Variants in DTYMK observed in about 807,000 individuals in gnomAD.
DTYMK encodes thymidylate kinase.
DTYMK carries 20 observed loss-of-function variants against 20.3 expected under a neutral mutation model. The ratio of observed to expected loss-of-function variants is 0.99; its 90% CI spans 0.69 to 1.43. DTYMK has a LOEUF of 1.43. DTYMK is among the 40% of genes most tolerant of loss of function. The pLI, the probability that DTYMK is intolerant of heterozygous loss-of-function variation, is 0.00. For missense variants in DTYMK, 320 were observed against 291.1 expected (o/e 1.10, Z -0.72); for synonymous variants, 148 against 124.4 (o/e 1.19, Z -1.27).
At chr2:241,682,272 T>C (rs1216752138) in intron 2 of DTYMK, 1 of 453,530 alleles carries the variant, frequency 2.2e-6, no homozygotes, top group Non-Finnish European at 4.4e-6. Context: ...ACCCGGGAGG[T>C]CGAGGCTGCA....
At chr2:241,680,001 A>G (rs192148690) in intron 3 of DTYMK, among the ~76,000 whole-genome samples, 8 of 151,884 alleles carry the variant, frequency 5.3e-5, no homozygotes, top group African/African-American at 9.6e-5. Flanking sequence ...TGTGGAAAAT[A>G]TAATCCAAAT....
At position 241,675,990 on chromosome 2, in the gene DTYMK, C is replaced by T; in HGVS notation, c.*137G>A. ...CACCCCAGCTCCGGGGCAGAAGAGG[C>T]AGCCTGCAGATCTCTGCTGCCGGGA... is the stretch of plus-strand genomic sequence containing the variant. On this transcript the variant is annotated 3_prime_UTR_variant, in exon 5 of 5. Coordinates refer to ENST00000305784, the MANE Select transcript of DTYMK (RefSeq NM_012145.4). The T allele has an allele frequency of 4.7e-6, 4 of 843,500 alleles. No homozygotes were observed. The highest frequency in any genetic ancestry group is 3.9e-5 in the South Asian group (2 of 51,200). 52.3% of individuals were successfully genotyped at this position (843,500 alleles called of 1,614,324 possible).
chr2:241,681,056 G>A (rs937563011), intron 2 of DTYMK, among the ~76,000 whole-genome samples: 2 of 152,158 alleles, frequency 1.3e-5, no homozygotes, highest in African/African-American at 4.8e-5. Context: ...CCCCTAGCCT[G>A]GACTGCAAGG....
chr2:241,676,016 A>C lies in DTYMK; in HGVS notation c.*111T>G. ...AGCCTGCAGATCTCTGCTGCCGGGAAAGAGCTCCTGAAGTTGTGGGGTCTG... is the reference window on the plus strand; with the variant it reads ...AGCCTGCAGATCTCTGCTGCCGGGACAGAGCTCCTGAAGTTGTGGGGTCTG... On this transcript the variant is annotated 3_prime_UTR_variant, in exon 5 of 5. Transcript: ENST00000305784. The C allele has an allele frequency of 2.9e-5, 30 of 1,031,168 alleles. No individual in the cohort carries two copies. The highest frequency in any genetic ancestry group is 3.4e-5 in the Non-Finnish European group (25 of 736,882). The allele number at this position is 1,031,168 out of a possible 1,614,324, so 63.9% of individuals were successfully genotyped here.
Position 241,680,277 on chromosome 2 carries a change from G to A in DTYMK, c.282C>T (p.Val94=), listed in dbSNP as rs774620496. Residue 94 remains valine (V), a synonymous_variant, in exon 3 of 5, where the codon GTC becomes GTT. Coordinates refer to ENST00000305784, the MANE Select transcript of DTYMK (RefSeq NM_012145.4). Reference sequence around the variant, plus strand: ...CACCAGAAAATGCGTATCTGTCCACGACGAGGGTCACGCCCTGGCTCAACT... The same window carrying A: ...CACCAGAAAATGCGTATCTGTCCACAACGAGGGTCACGCCCTGGCTCAACT... ...KEKLSQGVTL[V]VDRYAFSGVA... 50 of 1,614,052 alleles carry A rather than the reference G, an allele frequency of 3.1e-5. No individual in the cohort carries two copies. Among genetic ancestry groups the A allele is most frequent in the Non-Finnish European group, 3.4e-5 (40 of 1,180,036 alleles).
intron 3 of DTYMK, 97 bp from the exon 4 acceptor site, chr2:241,678,746 G>A (rs2069175417): frequency 2.2e-6 from 3 of 1,386,486 alleles, no homozygotes; most frequent in African/African-American, 1.4e-5. Flanking sequence ...CATTTGGTGA[G>A]GTACCAAGAT....
At position 241,675,943 on chromosome 2, in the gene DTYMK, C is replaced by A; in HGVS notation, c.*184G>T. On this transcript the variant is annotated 3_prime_UTR_variant, in exon 5 of 5. Transcript: ENST00000305784. ...TGCTCATGTCCACACTGCCAAGGTC[C>A]CCACCACGGGGGTCCCCAGTGCACC... The A allele has an allele frequency of 1.8e-6, 1 of 566,460 alleles. No homozygotes were observed. The highest frequency in any genetic ancestry group is 1.9e-5 in the African/African-American group (1 of 52,598). The allele number at this position is 566,460 out of a possible 1,614,324, so 35.1% of individuals were successfully genotyped here. A position where few individuals can be genotyped will look rare whatever the true frequency, so the allele number is the denominator to read the frequency against.
At chr2:241,678,886 C>T (rs2069178909) in intron 3 of DTYMK, among the ~76,000 whole-genome samples, 1 of 152,332 alleles carries the variant, frequency 6.6e-6, no homozygotes, top group East Asian at 1.9e-4. Context: ...GAACGGCTGC[C>T]AGTCCCCGCC....
intron 2 of DTYMK, chr2:241,684,844 A>G (rs2069342432): frequency 2.3e-6 from 1 of 432,050 alleles, no homozygotes; most frequent in Non-Finnish European, 4.7e-6. Context: ...AACAAATGTA[A>G]CATAACACAG....
intron 2 of DTYMK, 115 bp from the exon 3 acceptor site, chr2:241,680,434 T>C: frequency 8.9e-7 from 1 of 1,117,404 alleles, no homozygotes. Context: ...CCCAGCGCTT[T>C]GGGAGGCTGA....
Position 241,686,787 on chromosome 2 carries a change from T to C in DTYMK, c.-4A>G, listed in dbSNP as rs780049385. 3.4e-6 allele frequency: 5 copies of C among 1,453,568 alleles called. No homozygotes were observed. The highest frequency in any genetic ancestry group is 4.5e-6 in the Non-Finnish European group (5 of 1,116,684). The allele number at this position is 1,453,568 out of a possible 1,614,324, so 90.0% of individuals were successfully genotyped here. On this transcript the variant is annotated 5_prime_UTR_variant, in exon 1 of 5. Transcript: ENST00000305784. ...GAGCCCCGCGCCGGGCCGCCATGAC[T>C]GTCCACCGCCCGCCGCTGGCGTCTC...
At chr2:241,678,238 C>T (rs2069160803) in intron 4 of DTYMK, among the ~76,000 whole-genome samples, 1 of 152,028 alleles carries the variant, frequency 6.6e-6, no homozygotes, top group Non-Finnish European at 1.5e-5. Flanking sequence ...CCATTGCACT[C>T]CAGCCTGGGT....
At chr2:241,685,031 T>TAA (rs113063977) in intron 2 of DTYMK, 25 of 144,868 alleles carry the variant, frequency 1.7e-4, no homozygotes, top group Non-Finnish European at 3.3e-4. Context: ...GACTCTACAT[T>TAA]AAAAAAAAAA....
intron 2 of DTYMK, chr2:241,684,721 C>T (rs1478473392): frequency 8.6e-6 from 4 of 467,034 alleles, no homozygotes; most frequent in East Asian, 7.0e-5. Context: ...CACACATCAA[C>T]ATTAAGTGTT....
chr2:241,680,343 CCCTGGT>C, intron 2 of DTYMK, 24 bp from the exon 3 acceptor site: 4 of 1,613,334 alleles, frequency 2.5e-6, no homozygotes, highest in Non-Finnish European at 3.4e-6. Flanking sequence ...TGCTCCTGAG[CCCTGGT>C]CCTGTTTCAT....
chr2:241,676,319 C>T (rs2069115969), intron 4 of DTYMK, 82 bp from the exon 5 acceptor site: 1 of 1,374,602 alleles, frequency 7.3e-7, no homozygotes, highest in Non-Finnish European at 9.9e-7. Flanking sequence ...CCTGTAATCC[C>T]AGCACTTTGG....
chr2:241,680,624 G>C (rs1196003788), intron 2 of DTYMK, among the ~76,000 whole-genome samples: 1 of 151,340 alleles, frequency 6.6e-6, no homozygotes, highest in African/African-American at 2.4e-5. Context: ...AGTGAGCCGA[G>C]ATCACACCAC....
intron 2 of DTYMK, among the ~76,000 whole-genome samples, chr2:241,681,730 A>G (rs1425544507): frequency 1.3e-5 from 2 of 152,242 alleles, no homozygotes; most frequent in Non-Finnish European, 2.9e-5. Flanking sequence ...GTGCTTTGTG[A>G]GAGACACTGT....
At position 241,681,288 on chromosome 2, in the gene DTYMK, A is replaced by G. The variant is rs533515953; in HGVS notation, c.240-969T>C. 1.9e-4 allele frequency among the ~76,000 whole-genome samples: 29 copies of G among 152,388 alleles called. No individual in the cohort carries two copies. In the South Asian group the frequency reaches 5.2e-3, roughly 27 times the overall value. ...TCTGACAAAGCAGCAGAGGGATGCA[A>G]TGGTGCAAAGGCATTTTCCTCAATA... On this transcript the variant is annotated intron_variant, in intron 2 of 4. Transcript: ENST00000305784.
Sources: gnomAD v4.1 joint callset for allele counts (sites outside exome capture counted in the v4.1 genomes callset) on GRCh38, gnomAD v4.1.1 for gene constraint, MANE v1.5 for transcripts, NCBI Gene and HGNC (gene_info 2026-07-23, HGNC 2026-07-21) for gene names.